The following LTBP1 variants were observed in gnomAD, a reference collection of about 807,000 sequenced individuals.
LTBP1 encodes latent transforming growth factor beta binding protein 1.
In LTBP1, 129 loss-of-function variants were observed where a neutral mutation model predicts 207.6. The ratio of observed to expected loss-of-function variants is 0.62; its 90% CI spans 0.54 to 0.72. The LOEUF (loss-of-function observed/expected upper bound fraction) is 0.72. Among genes scored for constraint, LTBP1 ranks in the 30% least tolerant of loss-of-function variants. The pLI is 0.00. For synonymous variants in LTBP1, 963 were observed against 833.7 expected (o/e 1.16, Z -2.67); for missense variants, 2,281 against 2,217.2 (o/e 1.03, Z -0.58).
At chr2:33,147,594 A>T (rs1226105688) in intron 5 of LTBP1, among the ~76,000 whole-genome samples, 1 of 152,244 alleles carries the variant, frequency 6.6e-6, no homozygotes, top group Non-Finnish European at 1.5e-5. Flanking sequence ...CCATATCATC[A>T]AATATGTTAA....
intron 19 of LTBP1, among the ~76,000 whole-genome samples, chr2:33,289,952 C>A (rs2093741529): frequency 6.6e-6 from 1 of 152,090 alleles, no homozygotes; most frequent in African/African-American, 2.4e-5. Context: ...TAACGGAACA[C>A]CTTGAGACTA....
chr2:33,096,054 TA>T (rs1228070301), intron 3 of LTBP1, among the ~76,000 whole-genome samples: 1 of 151,938 alleles, frequency 6.6e-6, no homozygotes, highest in Non-Finnish European at 1.5e-5. Context: ...GCAAGATTAA[TA>T]AAAAGGAAAC....
At chr2:33,049,455 A>C (rs1269850543) in intron 3 of LTBP1, among the ~76,000 whole-genome samples, 1 of 152,226 alleles carries the variant, frequency 6.6e-6, no homozygotes, top group Admixed American at 6.5e-5. Flanking sequence ...TAGGCCGGAC[A>C]CTAAAACTAA....
chr2:33,013,088 C>T (rs1017979231), intron 2 of LTBP1, among the ~76,000 whole-genome samples: 2 of 152,100 alleles, frequency 1.3e-5, no homozygotes, highest in African/African-American at 4.8e-5. Flanking sequence ...GCTGTGGACA[C>T]CTACATATAT....
At chr2:33,181,076 A>G (rs940207539) in intron 5 of LTBP1, among the ~76,000 whole-genome samples, 4 of 152,122 alleles carry the variant, frequency 2.6e-5, no homozygotes, top group Non-Finnish European at 5.9e-5. Context: ...TGCCACGATA[A>G]CTTGAAATGG....
intron 5 of LTBP1, among the ~76,000 whole-genome samples, chr2:33,173,113 A>G (rs1335195687): frequency 6.6e-6 from 1 of 152,218 alleles, no homozygotes; most frequent in African/African-American, 2.4e-5. Context: ...GCAAGAGCAA[A>G]CACATTCAAA....
intron 3 of LTBP1, among the ~76,000 whole-genome samples, chr2:33,053,743 C>T (rs924231449): frequency 2.0e-5 from 3 of 152,138 alleles, no homozygotes; most frequent in African/African-American, 4.8e-5. Context: ...AAGATTAGGC[C>T]TAGATATTTG....
intron 9 of LTBP1, among the ~76,000 whole-genome samples, chr2:33,225,065 G>A (rs1316571310): frequency 6.6e-6 from 1 of 152,048 alleles, no homozygotes; most frequent in South Asian, 2.1e-4. Flanking sequence ...GACTTTAACT[G>A]TGTCCCTTAA....
At chr2:32,956,733 G>T (rs1318265324) in intron 2 of LTBP1, among the ~76,000 whole-genome samples, 1 of 152,094 alleles carries the variant, frequency 6.6e-6, no homozygotes, top group Non-Finnish European at 1.5e-5. Context: ...GAAGGTTTTC[G>T]ATTTACTTTG....
chr2:33,382,111 T>TG (rs1434178880), intron 31 of LTBP1, among the ~76,000 whole-genome samples: 5 of 103,652 alleles, frequency 4.8e-5, no homozygotes, highest in African/African-American at 2.4e-4. Flanking sequence ...TTTTTTTTTT[T>TG]TGAGACAGAG....
Position 33,134,992 on chromosome 2 carries a change from A to G in LTBP1, c.1201+32A>G, listed in dbSNP as rs1355785040. ...TCCTCCACGGTCCCTAACTGTCCTT[A>G]CTGAGTCGAGTTTTATGAGATTGTA... On this transcript the variant is annotated intron_variant, in intron 5 of 33. Transcript: ENST00000404816. This position sits in a 1 kb window ranked among gnomAD's most constrained non-coding sequence, Gnocchi z 4.4. The G allele has an allele frequency of 1.9e-6, 3 of 1,556,892 alleles. No individual in the cohort carries two copies. Among genetic ancestry groups the G allele is most frequent in the Non-Finnish European group, 2.6e-6 (3 of 1,151,450 alleles).
intron 3 of LTBP1, among the ~76,000 whole-genome samples, chr2:33,073,333 T>C (rs888516705): frequency 1.2e-4 from 19 of 152,208 alleles, no homozygotes; most frequent in African/African-American, 4.3e-4. Context: ...GATTTTTCTT[T>C]GACTATAAAG....
At chr2:33,282,348 G>T (rs536137188) in intron 19 of LTBP1, among the ~76,000 whole-genome samples, 5 of 152,222 alleles carry the variant, frequency 3.3e-5, no homozygotes, top group Admixed American at 3.3e-4. Flanking sequence ...ACTCCCCCAA[G>T]ATTTAATTGC....
At chr2:33,225,093 ATC>A (rs1441191411) in intron 9 of LTBP1, among the ~76,000 whole-genome samples, 1 of 152,038 alleles carries the variant, frequency 6.6e-6, no homozygotes, top group Non-Finnish European at 1.5e-5. Flanking sequence ...TCATTTTCTT[ATC>A]TTTAAGTTCA....
chr2:33,026,471 G>A (rs750798844), intron 3 of LTBP1, among the ~76,000 whole-genome samples: 1 of 152,084 alleles, frequency 6.6e-6, no homozygotes, highest in Non-Finnish European at 1.5e-5. Flanking sequence ...ATTGTTTCAC[G>A]AATGCTTATA....
At chr2:33,139,633 T>A (rs1324130307) in intron 5 of LTBP1, among the ~76,000 whole-genome samples, 1 of 152,152 alleles carries the variant, frequency 6.6e-6, no homozygotes, top group South Asian at 2.1e-4. Context: ...AGTAGATAAA[T>A]GCAGATGGCC....
chr2:33,015,475 C>T (rs1235106305), intron 2 of LTBP1, among the ~76,000 whole-genome samples: 3 of 152,176 alleles, frequency 2.0e-5, no homozygotes, highest in African/African-American at 4.8e-5. Flanking sequence ...AGGCTCCTAT[C>T]CCAGGCTACA....
At chr2:32,979,181 TC>T (rs1178319968) in intron 2 of LTBP1, among the ~76,000 whole-genome samples, 2 of 151,772 alleles carry the variant, frequency 1.3e-5, no homozygotes, top group East Asian at 1.9e-4. Flanking sequence ...TATATTTTTT[TC>T]ATTTAAATTT....
Position 33,397,160 on chromosome 2 carries a change from A to T in LTBP1, c.4862A>T (p.Gln1621Leu). Residue 1621 changes from glutamine (Q) to leucine (L), a missense_variant, in exon 33 of 34, where the codon CAG (glutamine) becomes CTG (leucine). Coordinates refer to ENST00000404816, the MANE Select transcript of LTBP1 (RefSeq NM_206943.4). The stretch of plus-strand genomic sequence containing the variant: ...TTTCTAAATAGCTTTGAGGAGTTAC[A>T]GGCTGAGGAATGCGGCATCCTCAAT... ...DRFLNSFEEL[Q>L]AEECGILNGC... is the part of the protein sequence containing the mutation. 1 of 1,614,050 alleles carries T rather than the reference A, an allele frequency of 6.2e-7. No homozygotes were observed. Among genetic ancestry groups the T allele is most frequent in the Non-Finnish European group, 8.5e-7 (1 of 1,179,956 alleles).
Sources: allele counts gnomAD v4.1 joint callset (sites outside exome capture counted in the v4.1 genomes callset), GRCh38; gene constraint gnomAD v4.1.1; non-coding constraint Gnocchi (gnomAD v3.1); transcripts MANE v1.5; gene names NCBI Gene and HGNC (gene_info 2026-07-23, HGNC 2026-07-21).